CAMKK2: variants seen among roughly 807,000 people sequenced by gnomAD.
CAMKK2 encodes the protein calcium/calmodulin-dependent protein kinase kinase 2.
Under a neutral mutation model 67.2 loss-of-function variants are expected in CAMKK2, and 30 were observed. That is an observed-to-expected ratio of 0.45 (90% CI 0.33 to 0.61). The LOEUF (loss-of-function observed/expected upper bound fraction) is 0.61, where lower values mean the gene tolerates loss of function less well. Ranked by LOEUF, CAMKK2 falls within the 20% of genes least tolerant of loss-of-function variation. CAMKK2 has a pLI of 0.02. For synonymous variants in CAMKK2, 322 were observed against 326.2 expected, an observed-to-expected ratio of 0.99 and a Z score of 0.14; for missense variants, 643 against 802.0, an observed-to-expected ratio of 0.80 and a Z score of 2.39.
Position 121,262,399 on chromosome 12 carries a change from C to A in CAMKK2, c.759+1407G>T, listed in dbSNP as rs567225106. On this transcript the variant is annotated intron_variant, in intron 6 of 16. Coordinates refer to ENST00000404169, the MANE Select transcript of CAMKK2 (RefSeq NM_001270485.2). ...TGGTAGCGGGCACCTGGAGTCCCAG[C>A]TACTTGGGAGGCTGACGCAGGAGAA... Among the ~76,000 whole-genome samples, 11 of 151,978 alleles carry A rather than the reference C, an allele frequency of 7.2e-5. No homozygotes were observed. The South Asian group carries it at 2.3e-3, about 32-fold the overall frequency.
In CAMKK2 at chr12:121,240,124, T is replaced by A. The variant is rs1888076890; in HGVS notation, c.*575A>T. 1 of 315,876 alleles carries A rather than the reference T, an allele frequency of 3.2e-6. No homozygotes were observed. The highest frequency in any genetic ancestry group is 5.9e-5 in the East Asian group (1 of 16,820). The allele number at this position is 315,876 out of a possible 1,614,324, so 19.6% of individuals were successfully genotyped here. A position where few individuals can be genotyped will look rare whatever the true frequency, so the allele number is the denominator to read the frequency against. The stretch of plus-strand genomic sequence containing the variant: ...TGACTACAATTCTACCCATAAAAAA[T>A]TTAAAAATCCTTCTTACAAATAAGT... On this transcript the variant is annotated 3_prime_UTR_variant, in exon 17 of 17. Coordinates refer to ENST00000404169, the MANE Select transcript of CAMKK2 (RefSeq NM_001270485.2). The surrounding 1 kb of genome is among the most constrained non-coding windows in gnomAD (Gnocchi z 4.4).
At chr12:121,269,928 T>C (rs1593406592) in intron 3 of CAMKK2, 1 of 193,744 alleles carries the variant, frequency 5.2e-6, no homozygotes, top group East Asian at 1.2e-4. Flanking sequence ...CAGGCACCTG[T>C]AATCCCAGCT....
At chr12:121,274,801 T>C (rs926870395) in intron 1 of CAMKK2, among the ~76,000 whole-genome samples, 2 of 120,048 alleles carry the variant, frequency 1.7e-5, no homozygotes, top group Middle Eastern at 3.8e-3. Context: ...TTTTCTTTTT[T>C]TTTCTTTTTT....
intron 14 of CAMKK2, among the ~76,000 whole-genome samples, chr12:121,246,259 G>C (rs976306572): frequency 1.5e-4 from 23 of 150,554 alleles, no homozygotes; most frequent in South Asian, 4.3e-4. Flanking sequence ...GGAGCGGGGG[G>C]GGGGAGGCGG....
rs1891230509 is a variant in CAMKK2 at position 121,253,532 on chromosome 12, A to G, written c.908-60T>C. 3.6e-6 allele frequency: 5 copies of G among 1,370,218 alleles called. No individual in the cohort carries two copies. Among genetic ancestry groups the G allele is most frequent in the East Asian group, 4.6e-5 (2 of 43,626 alleles). The allele number at this position is 1,370,218 out of a possible 1,614,324, so 84.9% of individuals were successfully genotyped here. ...GCAGGAAAACCTCGTGAGCACCTCTATGCGGCCACATGGCCTGGAGACACA... is the reference window on the plus strand; with the variant it reads ...GCAGGAAAACCTCGTGAGCACCTCTGTGCGGCCACATGGCCTGGAGACACA... On this transcript the variant is annotated intron_variant, in intron 9 of 16. Coordinates refer to ENST00000404169, the MANE Select transcript of CAMKK2 (RefSeq NM_001270485.2). The surrounding 1 kb of genome is among the most constrained non-coding windows in gnomAD (Gnocchi z 5.0).
chr12:121,266,499 GT>G (rs144456553), intron 5 of CAMKK2, among the ~76,000 whole-genome samples: 102 of 142,718 alleles, frequency 7.1e-4, no homozygotes, highest in Admixed American at 1.3e-3. Flanking sequence ...GTTAGGATGG[GT>G]TTTTTTTTTT....
intron 14 of CAMKK2, among the ~76,000 whole-genome samples, chr12:121,246,154 A>AG (rs1156738854): frequency 2.0e-5 from 3 of 150,470 alleles, no homozygotes; most frequent in Non-Finnish European, 4.4e-5. Flanking sequence ...AGAACTATTG[A>AG]GGAGATAATT....
At chr12:121,271,545 A>C (rs1363483738) in intron 2 of CAMKK2, among the ~76,000 whole-genome samples, 3 of 152,242 alleles carry the variant, frequency 2.0e-5, no homozygotes, top group Non-Finnish European at 4.4e-5. Context: ...ATTTTAAATC[A>C]AACAAGTAAT....
Position 121,289,151 on chromosome 12 carries a change from G to A in CAMKK2, c.-60+7487C>T, listed in dbSNP as rs545242484. Among the ~76,000 whole-genome samples, 335 of 152,072 alleles carry A rather than the reference G, an allele frequency of 2.2e-3. 2 individuals carry two copies. The highest frequency in any genetic ancestry group is 3.4e-3 in the Middle Eastern group (1 of 294). ...GGGCGCCCCACTCTGCCCCGTTTCC[G>A]TCACCTCCTGGGCCTCCTTCCAGCT... is the stretch of plus-strand genomic sequence containing the variant. On this transcript the variant is annotated intron_variant, in intron 1 of 16. Transcript: ENST00000404169.
At position 121,285,532 on chromosome 12, in the gene CAMKK2, G is replaced by C. The variant is rs1173984897; in HGVS notation, c.-59-10947C>G. Among the ~76,000 whole-genome samples the C allele has an allele frequency of 6.6e-6, 1 of 152,064 alleles. No individual in the cohort carries two copies. The highest frequency in any genetic ancestry group is 1.5e-5 in the Non-Finnish European group (1 of 68,014). On this transcript the variant is annotated intron_variant, in intron 1 of 16. Coordinates refer to ENST00000404169, the MANE Select transcript of CAMKK2 (RefSeq NM_001270485.2). The surrounding 1 kb of genome is among the most constrained non-coding windows in gnomAD (Gnocchi z 4.1). ...AGAAACAGAGTAGATGTGTGGGCCAGGCATGGTGGCTCACGCCTGTGCTCC... is the reference window on the plus strand; with the variant it reads ...AGAAACAGAGTAGATGTGTGGGCCACGCATGGTGGCTCACGCCTGTGCTCC...
chr12:121,240,671 C>G lies in CAMKK2; in HGVS notation c.*28G>C. The G allele has an allele frequency of 6.4e-7, 1 of 1,566,452 alleles. No individual in the cohort carries two copies. Among genetic ancestry groups the G allele is most frequent in the Non-Finnish European group, 8.6e-7 (1 of 1,161,432 alleles). ...GCAGCCCCCCAGAGGCGACGCGGCG[C>G]GCATGCGAGGTCGAGCGATCCAGGC... On this transcript the variant is annotated 3_prime_UTR_variant, in exon 17 of 17. Coordinates refer to ENST00000404169, the MANE Select transcript of CAMKK2 (RefSeq NM_001270485.2). This position sits in a 1 kb window ranked among gnomAD's most constrained non-coding sequence, Gnocchi z 4.4.
chr12:121,258,024 T>C (rs1267798463), intron 7 of CAMKK2, among the ~76,000 whole-genome samples: 1 of 36,030 alleles, frequency 2.8e-5, no homozygotes, highest in East Asian at 4.8e-4. Flanking sequence ...GTTTTCTACT[T>C]TTTTTTTTTT....
At chr12:121,251,323 G>A (rs981762809) in intron 11 of CAMKK2, among the ~76,000 whole-genome samples, 3 of 152,138 alleles carry the variant, frequency 2.0e-5, no homozygotes, top group Non-Finnish European at 4.4e-5. Flanking sequence ...CAGGTGGTGG[G>A]TATGTGGGTG....
intron 1 of CAMKK2, among the ~76,000 whole-genome samples, chr12:121,289,464 A>G (rs1253456736): frequency 6.6e-6 from 1 of 152,212 alleles, no homozygotes; most frequent in Non-Finnish European, 1.5e-5. Flanking sequence ...AAGGGGTCCA[A>G]TCAGGGAAGA....
At chr12:121,252,742 G>C (rs1322012859) in intron 10 of CAMKK2, 28 bp from the exon 11 acceptor site, 18 of 1,611,882 alleles carry the variant, frequency 1.1e-5, no homozygotes, top group Non-Finnish European at 1.5e-5. Context: ...TAGTGTGAGG[G>C]CATAAGGGGT....
intron 9 of CAMKK2, among the ~76,000 whole-genome samples, chr12:121,255,217 A>ATT (rs1354111204): frequency 8.5e-5 from 1 of 11,756 alleles, no homozygotes; most frequent in South Asian, 1.9e-3. Flanking sequence ...TATATATATA[A>ATT]TTTTATATAT....
chr12:121,266,728 G>A (rs1418015501), intron 5 of CAMKK2, among the ~76,000 whole-genome samples: 9 of 151,824 alleles, frequency 5.9e-5, no homozygotes, highest in African/African-American at 1.7e-4. Flanking sequence ...TCCTGACCTC[G>A]TGATCCACCC....
intron 1 of CAMKK2, among the ~76,000 whole-genome samples, chr12:121,279,837 G>A (rs907411751): frequency 1.1e-4 from 17 of 152,194 alleles, no homozygotes; most frequent in Admixed American, 9.2e-4. Context: ...TGAGGGAAAC[G>A]CTCCTTCCTC....
chr12:121,253,194 G>A lies in CAMKK2; in HGVS notation c.1107+79C>T. ...GGGGATTCACTGTTTAAGCCTGTGT[G>A]CGTTGGGTTTCTGCTGCTTACAATC... On this transcript the variant is annotated intron_variant, in intron 10 of 16. Coordinates refer to ENST00000404169, the MANE Select transcript of CAMKK2 (RefSeq NM_001270485.2). The surrounding 1 kb of genome is among the most constrained non-coding windows in gnomAD (Gnocchi z 5.0). 3 of 1,248,906 alleles carry A rather than the reference G, an allele frequency of 2.4e-6. No homozygotes were observed. The highest frequency in any genetic ancestry group is 2.4e-5 in the East Asian group (1 of 42,280). The allele number at this position is 1,248,906 out of a possible 1,614,324, so 77.4% of individuals were successfully genotyped here. A position where few individuals can be genotyped will look rare whatever the true frequency, so the allele number is the denominator to read the frequency against.
Sources: gnomAD v4.1 joint callset for allele counts (sites outside exome capture counted in the v4.1 genomes callset) on GRCh38, gnomAD v4.1.1 for gene constraint, Gnocchi (gnomAD v3.1) non-coding constraint, MANE v1.5 for transcripts, NCBI Gene and HGNC (gene_info 2026-07-23, HGNC 2026-07-21) for gene names.